Variants in LRRK1 observed in about 807,000 individuals in gnomAD.
The protein encoded by LRRK1 is leucine-rich repeat serine/threonine-protein kinase 1.
LRRK1 carries 113 observed loss-of-function variants against 209.1 expected under a neutral mutation model. The observed-to-expected ratio is 0.54, with a 90% CI of 0.46 to 0.63. The LOEUF (loss-of-function observed/expected upper bound fraction) is 0.63, where lower values mean the gene tolerates loss of function less well. LRRK1 is among the 30% of genes least tolerant of loss of function. The pLI is 0.00. For synonymous variants in LRRK1, 1,144 were observed against 1,099.7 expected, an observed-to-expected ratio of 1.04 and a Z score of -0.80; for missense variants, 2,284 against 2,632.2, an observed-to-expected ratio of 0.87 and a Z score of 2.89.
chr15:100,978,049 A>C (rs1007002490), intron 3 of LRRK1, among the ~76,000 whole-genome samples: 1 of 152,228 alleles, frequency 6.6e-6, no homozygotes, highest in Non-Finnish European at 1.5e-5. Flanking sequence ...GCCAAATGAA[A>C]ATTTTAGAAC....
At chr15:100,933,037 G>A (rs1351924394) in intron 2 of LRRK1, among the ~76,000 whole-genome samples, 6 of 152,110 alleles carry the variant, frequency 3.9e-5, no homozygotes, top group Non-Finnish European at 1.5e-5. Flanking sequence ...CTCTTACTTT[G>A]CACCTTTATT....
intron 2 of LRRK1, among the ~76,000 whole-genome samples, chr15:100,945,843 A>G (rs1199659639): frequency 6.6e-6 from 1 of 152,084 alleles, no homozygotes; most frequent in African/African-American, 2.4e-5. Context: ...TTCCTTATCA[A>G]TTTCTAGGCG....
Position 101,005,653 on chromosome 15 carries a change from A to C in LRRK1, c.763-3184A>C, listed in dbSNP as rs573669497. 2.2e-4 allele frequency among the ~76,000 whole-genome samples: 34 copies of C among 152,352 alleles called. No individual in the cohort carries two copies. The South Asian group carries it at 5.6e-3, about 25-fold the overall frequency. On this transcript the variant is annotated intron_variant, in intron 6 of 33. Coordinates refer to ENST00000388948, the MANE Select transcript of LRRK1 (RefSeq NM_024652.6). Reference sequence around the variant, plus strand: ...GCCTGGGCTTAGAAAGTACAAGAGGAGACTGGAAGATCTTGTTTTGCCGGG... The same window carrying C: ...GCCTGGGCTTAGAAAGTACAAGAGGCGACTGGAAGATCTTGTTTTGCCGGG...
In LRRK1 at chr15:101,072,955, A is replaced by G. The variant is rs1288941745; in HGVS notation, c.*4107A>G. 4.4e-3 allele frequency: 582 copies of G among 131,936 alleles called. 1 individual carries two copies. The highest frequency in any genetic ancestry group is 0.011 in the African/African-American group (370 of 33,342). 8.2% of individuals were successfully genotyped at this position (131,936 alleles called of 1,614,324 possible). On this transcript the variant is annotated 3_prime_UTR_variant, in exon 34 of 34. Transcript: ENST00000388948. ...TTGGTGCCGTAACTGGCGCGGGGGG[A>G]GGGGGGGGGGAACCTCCCTTGGGAG...
Position 101,027,926 on chromosome 15 carries a change from C to T in LRRK1, c.2686+129C>T, listed in dbSNP as rs1567245066. 3.8e-6 allele frequency: 3 copies of T among 782,556 alleles called. No individual in the cohort carries two copies. The highest frequency in any genetic ancestry group is 2.8e-5 in the East Asian group (1 of 35,734). 48.5% of individuals were successfully genotyped at this position (782,556 alleles called of 1,614,324 possible). On this transcript the variant is annotated intron_variant, in intron 19 of 33. Coordinates refer to ENST00000388948, the MANE Select transcript of LRRK1 (RefSeq NM_024652.6). The surrounding 1 kb of genome is among the most constrained non-coding windows in gnomAD (Gnocchi z 5.1). ...AGCCTGCGTTTCTGCCTTCCATCCC[C>T]CTCCCCTTCCTTCTTCCCTCTCACC... is the stretch of plus-strand genomic sequence containing the variant.
chr15:100,956,455 C>CTTTTTTTTTTTT (rs776326423), intron 2 of LRRK1, among the ~76,000 whole-genome samples: 10 of 60,498 alleles, frequency 1.7e-4, no homozygotes, highest in African/African-American at 5.1e-4. Context: ...TTTTTTTTTT[C>CTTTTTTTTTTTT]TTTTTTTTTT....
intron 2 of LRRK1, among the ~76,000 whole-genome samples, chr15:100,967,944 G>A (rs1444957217): frequency 6.6e-6 from 1 of 152,156 alleles, no homozygotes; most frequent in Non-Finnish European, 1.5e-5. Flanking sequence ...TAAATGGACT[G>A]CTTGATAAGT....
chr15:101,039,796 G>A (rs1039356807), intron 20 of LRRK1, among the ~76,000 whole-genome samples: 3 of 152,134 alleles, frequency 2.0e-5, no homozygotes, highest in Non-Finnish European at 2.9e-5. Flanking sequence ...TCATAAATGG[G>A]TACTGAATTT....
intron 2 of LRRK1, among the ~76,000 whole-genome samples, chr15:100,939,650 G>A (rs956546413): frequency 6.6e-6 from 1 of 152,126 alleles, no homozygotes; most frequent in Non-Finnish European, 1.5e-5. Context: ...TATTTAATTT[G>A]AGGTTGCAAA....
chr15:100,962,823 A>ATATATATACGTAT lies in LRRK1; in HGVS notation c.98-10980_98-10979insATATATACGTATT. Among the ~76,000 whole-genome samples the ATATATATACGTAT allele has an allele frequency of 2.6e-3, 30 of 11,548 alleles. 10 individuals are homozygous for ATATATATACGTAT. The highest frequency in any genetic ancestry group is 7.6e-3 in the African/African-American group (30 of 3,962). 7.6% of individuals were successfully genotyped at this position (11,548 alleles called of 152,430 possible). Reference sequence around the variant, plus strand: ...TATATATATATATATATATATATATATTTTTTTTTTTTTTTTTGAGATGGA... The same window carrying ATATATATACGTAT: ...TATATATATATATATATATATATATATATATATACGTATTTTTTTTTTTTTTTTTTGAGATGGA... On this transcript the variant is annotated intron_variant, in intron 2 of 33. Transcript: ENST00000388948.
intron 12 of LRRK1, 135 bp from the exon 13 acceptor site, chr15:101,020,918 G>A (rs892254650): frequency 5.9e-6 from 5 of 853,872 alleles, no homozygotes; most frequent in East Asian, 4.9e-5. Flanking sequence ...AGGTCGATGA[G>A]GTGAGCATTT....
intron 6 of LRRK1, among the ~76,000 whole-genome samples, chr15:101,007,067 G>A (rs1352402583): frequency 6.6e-6 from 1 of 152,242 alleles, no homozygotes; most frequent in Non-Finnish European, 1.5e-5. Flanking sequence ...ACCGGACGGA[G>A]TGTTGAGGGG....
intron 2 of LRRK1, among the ~76,000 whole-genome samples, chr15:100,972,713 G>A (rs2030999892): frequency 6.6e-6 from 1 of 152,108 alleles, no homozygotes; most frequent in Admixed American, 6.5e-5. Flanking sequence ...TTAGTTGGGT[G>A]TAAAAACAAT....
intron 9 of LRRK1, among the ~76,000 whole-genome samples, chr15:101,011,474 C>CAAAAAAAAAAAAAAAAAA: frequency 1.3e-5 from 1 of 78,230 alleles, no homozygotes. Context: ...GACTCTGTCT[C>CAAAAAAAAAAAAAAAAAA]AAAAAAAAAA....
rs549259637 is a variant in LRRK1 at position 101,021,738 on chromosome 15, G to T, written c.1740-107G>T. 26 of 719,372 alleles carry T rather than the reference G, an allele frequency of 3.6e-5. No homozygotes were observed. In the South Asian group the frequency reaches 4.1e-4, roughly 11 times the overall value. The allele number at this position is 719,372 out of a possible 1,614,324, so 44.6% of individuals were successfully genotyped here. A position where few individuals can be genotyped will look rare whatever the true frequency, so the allele number is the denominator to read the frequency against. ...CAGGGCTCAAAGTGTGGGGTCTGGG[G>T]TACAGGCTGCAGAGGCTGACAGGAG... is the stretch of plus-strand genomic sequence containing the variant. On this transcript the variant is annotated intron_variant, in intron 13 of 33. Transcript: ENST00000388948.
chr15:100,988,901 TG>T, intron 5 of LRRK1, 88 bp downstream of exon 5: 2 of 1,156,412 alleles, frequency 1.7e-6, no homozygotes, highest in South Asian at 3.1e-5. Flanking sequence ...TTCTCACTCT[TG>T]GCTCTCAAAT....
chr15:101,002,518 C>G (rs6598410), intron 6 of LRRK1, among the ~76,000 whole-genome samples: 83,074 of 152,044 alleles, frequency 0.55, 24,493 homozygotes, highest in African/African-American at 0.79. Context: ...CTTAACCACT[C>G]CTGTGTTGAA....
chr15:100,987,385 AAAGATATTGCACTATTTTGAACTTG>A (rs2141668320), intron 4 of LRRK1, among the ~76,000 whole-genome samples: 1 of 152,280 alleles, frequency 6.6e-6, no homozygotes, highest in East Asian at 1.9e-4. Flanking sequence ...ACTAGACCCA[AAAGATATTGCACTATTTTGAACTTG>A]AAGATATTGT....
At chr15:101,060,408 G>C (rs2036095771) in intron 29 of LRRK1, among the ~76,000 whole-genome samples, 1 of 152,112 alleles carries the variant, frequency 6.6e-6, no homozygotes, top group African/African-American at 2.4e-5. Context: ...GATGGGAAAA[G>C]GAGACAAATA....
Sources: gnomAD v4.1 joint callset for allele counts (sites outside exome capture counted in the v4.1 genomes callset) on GRCh38, gnomAD v4.1.1 for gene constraint, Gnocchi (gnomAD v3.1) non-coding constraint, MANE v1.5 for transcripts, NCBI Gene and HGNC (gene_info 2026-07-23, HGNC 2026-07-21) for gene names.